RNF166: variants seen among roughly 807,000 people sequenced by gnomAD.
The protein encoded by RNF166 is ring finger protein 166, also known as E3 ubiquitin-protein ligase RNF166.
Under a neutral mutation model 29.4 loss-of-function variants are expected in RNF166, and 19 were observed. The ratio of observed to expected loss-of-function variants is 0.65; its 90% CI spans 0.45 to 0.95. The LOEUF is 0.95. Ranked by LOEUF, RNF166 falls within the 40% of genes least tolerant of loss-of-function variation. The pLI is 0.00. For synonymous variants in RNF166, 171 were observed against 134.5 expected (o/e 1.27, Z -1.88); for missense variants, 347 against 322.1 (o/e 1.08, Z -0.59).
intron 4 of RNF166, 31 bp from the exon 5 acceptor site, chr16:88,698,640 G>A (rs1221590775): frequency 6.9e-6 from 10 of 1,459,086 alleles, no homozygotes; most frequent in East Asian, 2.5e-5. Flanking sequence ...AAGCCGAGCC[G>A]GACCGCGGAG....
rs529970523 is a variant in RNF166 at position 88,702,980 on chromosome 16, G to A, written c.156-1562C>T. ...AGCGGAAGCAGCTCAGGTGCCCGTC[G>A]GTAAACGGATGAAGAGACGGCGTGG... On this transcript the variant is annotated intron_variant, in intron 1 of 5. Transcript: ENST00000312838. 52 of 985,560 alleles carry A rather than the reference G, an allele frequency of 5.3e-5. No individual in the cohort carries two copies. In the South Asian group the frequency reaches 1.8e-3, roughly 35 times the overall value. The allele number at this position is 985,560 out of a possible 1,614,324, so 61.1% of individuals were successfully genotyped here.
intron 1 of RNF166, chr16:88,702,682 C>G (rs115229354): frequency 1.0e-6 from 1 of 985,092 alleles, no homozygotes; most frequent in African/African-American, 1.7e-5. Flanking sequence ...CATGAAACTT[C>G]GTGTGAGAGA....
At chr16:88,700,533 G>C (rs1195127945) in intron 2 of RNF166, 9 of 915,442 alleles carry the variant, frequency 9.8e-6, no homozygotes, top group Non-Finnish European at 1.2e-5. Flanking sequence ...ACAAACCACC[G>C]AGGGGCCACG....
chr16:88,698,166 G>T, intron 5 of RNF166: 1 of 602,764 alleles, frequency 1.7e-6, no homozygotes, highest in South Asian at 2.0e-5. Context: ...GTTCGATGTT[G>T]ATGAAAGTCC....
In RNF166 at chr16:88,700,519, G is replaced by A. The variant is rs1311991037; in HGVS notation, c.312+743C>T. ...CCTGGACATCTGGACCTTCGACCTC[G>A]AGGACAAACCACCGAGGGGCCACGT... On this transcript the variant is annotated intron_variant, in intron 2 of 5. Coordinates refer to ENST00000312838, the MANE Select transcript of RNF166 (RefSeq NM_178841.4). 3.6e-6 allele frequency: 3 copies of A among 840,056 alleles called. No individual in the cohort carries two copies. In the Admixed American group the frequency reaches 1.9e-4, roughly 52 times the overall value. 52.0% of individuals were successfully genotyped at this position (840,056 alleles called of 1,614,324 possible).
At chr16:88,703,476 C>A (rs184685118) in intron 1 of RNF166, 1 of 985,476 alleles carries the variant, frequency 1.0e-6, no homozygotes, top group Non-Finnish European at 1.2e-6. Flanking sequence ...AGGAAAGACA[C>A]AAGAGGGAAC....
intron 1 of RNF166, among the ~76,000 whole-genome samples, chr16:88,704,821 G>C (rs1910610500): frequency 6.6e-6 from 1 of 152,138 alleles, no homozygotes; most frequent in Non-Finnish European, 1.5e-5. Context: ...GAAACCCCTT[G>C]TCTACTAAAA....
In RNF166 at chr16:88,702,826, G is replaced by A. The variant is rs1567639203; in HGVS notation, c.156-1408C>T. The stretch of plus-strand genomic sequence containing the variant: ...GCAGATATTTCCAGGGTCATCCCTG[G>A]CACTGACCCCTGGATTTGAGCCGGG... On this transcript the variant is annotated intron_variant, in intron 1 of 5. Coordinates refer to ENST00000312838, the MANE Select transcript of RNF166 (RefSeq NM_178841.4). 4 of 985,490 alleles carry A rather than the reference G, an allele frequency of 4.1e-6. No individual in the cohort carries two copies. In the East Asian group the frequency reaches 3.4e-4, roughly 84 times the overall value. 61.0% of individuals were successfully genotyped at this position (985,490 alleles called of 1,614,324 possible). A position where few individuals can be genotyped will look rare whatever the true frequency, so the allele number is the denominator to read the frequency against.
At chr16:88,700,133 G>A (rs1315266310) in intron 2 of RNF166, 1 of 161,940 alleles carries the variant, frequency 6.2e-6, no homozygotes, top group Non-Finnish European at 1.4e-5. Flanking sequence ...ATGCTTCCGT[G>A]GAGGCAGGGC....
chr16:88,703,808 G>T, intron 1 of RNF166: 2 of 985,460 alleles, frequency 2.0e-6, no homozygotes, highest in Non-Finnish European at 2.4e-6. Flanking sequence ...TCCCACACTG[G>T]CCGCTGCACA....
At chr16:88,701,452 C>CG (rs779896624) in intron 1 of RNF166, 34 bp from the exon 2 acceptor site, 3 of 1,524,724 alleles carry the variant, frequency 2.0e-6, no homozygotes, top group Non-Finnish European at 2.6e-6. Flanking sequence ...GCCAGCCCGC[C>CG]CCTCGGGTCT....
chr16:88,697,028 A>C lies in RNF166; in HGVS notation c.*540T>G. ...CCTAGTCAAACACAGATATTGCAAT[A>C]TGAAGAGTAACTGCTCTGTCTTTGC... On this transcript the variant is annotated 3_prime_UTR_variant, in exon 6 of 6. Coordinates refer to ENST00000312838, the MANE Select transcript of RNF166 (RefSeq NM_178841.4). 1 of 187,220 alleles carries C rather than the reference A, an allele frequency of 5.3e-6. No homozygotes were observed. Among genetic ancestry groups the C allele is most frequent in the Non-Finnish European group, 1.1e-5 (1 of 89,120 alleles). The allele number at this position is 187,220 out of a possible 1,614,324, so 11.6% of individuals were successfully genotyped here.
rs1036378141 is a variant in RNF166 at position 88,697,295 on chromosome 16, C to T, written c.*273G>A. On this transcript the variant is annotated 3_prime_UTR_variant, in exon 6 of 6. Transcript: ENST00000312838. ...AAGAGACGGCGGCAGCTCCAGGTCC[C>T]AGCGTCCAGCCCTGCCCAAGTAGGC... 6.0e-6 allele frequency: 2 copies of T among 333,832 alleles called. No homozygotes were observed. The highest frequency in any genetic ancestry group is 1.1e-5 in the Non-Finnish European group (2 of 180,910). The allele number at this position is 333,832 out of a possible 1,614,324, so 20.7% of individuals were successfully genotyped here. A position where few individuals can be genotyped will look rare whatever the true frequency, so the allele number is the denominator to read the frequency against.
rs1367415876 is a variant in RNF166 at position 88,706,340 on chromosome 16, C to A, written c.-15G>T. 14 of 1,210,002 alleles carry A rather than the reference C, an allele frequency of 1.2e-5. No homozygotes were observed. Among genetic ancestry groups the A allele is most frequent in the Non-Finnish European group, 1.3e-5 (13 of 973,498 alleles). 75.0% of individuals were successfully genotyped at this position (1,210,002 alleles called of 1,614,324 possible). A position where few individuals can be genotyped will look rare whatever the true frequency, so the allele number is the denominator to read the frequency against. The stretch of plus-strand genomic sequence containing the variant: ...AACATAGCCATCCCGGGGCCAGGCC[C>A]GCGCCGCCCGCCGCCCGCTGTCCTG... On this transcript the variant is annotated 5_prime_UTR_variant, in exon 1 of 6. Coordinates refer to ENST00000312838, the MANE Select transcript of RNF166 (RefSeq NM_178841.4).
intron 1 of RNF166, among the ~76,000 whole-genome samples, chr16:88,705,748 C>G (rs570879281): frequency 1.2e-3 from 187 of 152,378 alleles, no homozygotes; most frequent in Non-Finnish European, 1.1e-3. Context: ...CGGGTCCGAA[C>G]AAGAGTTGAT....
chr16:88,699,226 C>T, intron 3 of RNF166, 141 bp from the exon 4 acceptor site: 2 of 683,874 alleles, frequency 2.9e-6, no homozygotes, highest in Admixed American at 2.1e-5. Context: ...GCCCCCCGTG[C>T]CTCTGCACGC....
At chr16:88,705,181 C>A (rs771831188) in intron 1 of RNF166, among the ~76,000 whole-genome samples, 1 of 152,206 alleles carries the variant, frequency 6.6e-6, no homozygotes, top group African/African-American at 2.4e-5. Flanking sequence ...GCCCTGCCAC[C>A]TCCGTGGGTG....
At chr16:88,698,757 G>A (rs1597402631) in intron 4 of RNF166, 148 bp from the exon 5 acceptor site, 2 of 678,326 alleles carry the variant, frequency 2.9e-6, no homozygotes, top group East Asian at 2.7e-5. Flanking sequence ...CCGGTGACAA[G>A]CGAGTTATTC....
Position 88,697,651 on chromosome 16 carries a change from A to G in RNF166, c.649-18T>C. 7 of 1,541,472 alleles carry G rather than the reference A, an allele frequency of 4.5e-6. No individual in the cohort carries two copies. Among genetic ancestry groups the G allele is most frequent in the South Asian group, 1.2e-5 (1 of 83,856 alleles). ...CTGTAGTCCTGGAGACAGGAAGGAG[A>G]GATGCACCGGGCTCGAGGGAGACAG... On this transcript the variant is annotated intron_variant, in intron 5 of 5. Transcript: ENST00000312838.
Sources: gnomAD v4.1 joint callset for allele counts (sites outside exome capture counted in the v4.1 genomes callset) on GRCh38, gnomAD v4.1.1 for gene constraint, MANE v1.5 for transcripts, NCBI Gene and HGNC (gene_info 2026-07-23, HGNC 2026-07-21) for gene names.